The following UBXN6 variants were observed in gnomAD, a reference collection of about 807,000 sequenced individuals.
UBXN6 encodes UBX domain protein 6.
UBXN6 carries 44 observed loss-of-function variants against 51.4 expected under a neutral mutation model. The ratio of observed to expected loss-of-function variants is 0.86; its 90% CI spans 0.67 to 1.10. UBXN6 has a LOEUF of 1.10. Ranked by LOEUF, UBXN6 falls within the 50% of genes least tolerant of loss-of-function variation. The pLI is 0.00. For missense variants in UBXN6, 672 were observed against 596.1 expected, an observed-to-expected ratio of 1.13 and a Z score of -1.32; for synonymous variants, 316 against 263.2, an observed-to-expected ratio of 1.20 and a Z score of -1.94.
chr19:4,449,577 G>C (rs2145178837), intron 4 of UBXN6: 1 of 152,466 alleles, frequency 6.6e-6, no homozygotes, highest in African/African-American at 2.4e-5. Context: ...AGAGCGCCCG[G>C]GACAGCACAC....
chr19:4,457,613 A>AC lies in UBXN6; in HGVS notation c.83+1dup. 1.3e-6 allele frequency: 2 copies of AC among 1,586,802 alleles called. No homozygotes were observed. Among genetic ancestry groups the AC allele is most frequent in the Non-Finnish European group, 1.7e-6 (2 of 1,168,974 alleles). On this transcript the variant is annotated splice_donor_variant, in intron 1 of 10. Coordinates refer to ENST00000301281, the MANE Select transcript of UBXN6 (RefSeq NM_025241.3). LOFTEE classifies it high-confidence loss of function. ...CCTCAAGCCCCTGCGTTCCTCACGC[A>AC]CCCCACGGACTCTTTGAGCTTCTGA...
chr19:4,447,074 A>C, intron 6 of UBXN6, 154 bp from the exon 7 acceptor site: 2 of 683,778 alleles, frequency 2.9e-6, no homozygotes, highest in Non-Finnish European at 5.0e-6. Context: ...GCTGGATGCA[A>C]ACCTGCTTTT....
Position 4,457,737 on chromosome 19 carries a change from G to A in UBXN6, c.-40C>T, listed in dbSNP as rs777946490. ...CGGCGGCGGGGGGCCGCGGGGGCGG[G>A]GGGGCACGGGGCCCAGTCGGGGACG... On this transcript the variant is annotated 5_prime_UTR_variant, in exon 1 of 11. Coordinates refer to ENST00000301281, the MANE Select transcript of UBXN6 (RefSeq NM_025241.3). 1.9e-4 allele frequency: 272 copies of A among 1,401,684 alleles called. 7 individuals are homozygous for A. In the Middle Eastern group the frequency reaches 2.8e-3, roughly 15 times the overall value. 86.8% of individuals were successfully genotyped at this position (1,401,684 alleles called of 1,614,324 possible). A position where few individuals can be genotyped will look rare whatever the true frequency, so the allele number is the denominator to read the frequency against.
intron 1 of UBXN6, chr19:4,455,093 A>G (rs1291218032): frequency 1.0e-5 from 5 of 497,008 alleles, no homozygotes; most frequent in African/African-American, 2.1e-5. Context: ...CCCTACACCA[A>G]GGAGAGTTCC....
In UBXN6 at chr19:4,453,919, C is replaced by T; in HGVS notation, c.247+11G>A. 1.2e-6 allele frequency: 2 copies of T among 1,608,062 alleles called. No homozygotes were observed. The highest frequency in any genetic ancestry group is 1.7e-6 in the Non-Finnish European group (2 of 1,179,644). On this transcript the variant is annotated intron_variant, in intron 2 of 10. Coordinates refer to ENST00000301281, the MANE Select transcript of UBXN6 (RefSeq NM_025241.3). ...AGCCCCAACCTGGGCCCGAGGAGGG[C>T]CATATCTCACCCTGGTTTCGGATGG...
chr19:4,449,166 G>C (rs555050142), intron 4 of UBXN6: 1 of 153,232 alleles, frequency 6.5e-6, no homozygotes, highest in East Asian at 1.9e-4. Context: ...ATCCACGCTC[G>C]GCACAGCCAT....
intron 1 of UBXN6, among the ~76,000 whole-genome samples, chr19:4,456,258 C>A (rs1445286881): frequency 6.7e-6 from 1 of 150,288 alleles, no homozygotes; most frequent in Non-Finnish European, 1.5e-5. Flanking sequence ...AGGGCTCCCC[C>A]GATTTGCCCC....
At position 4,445,298 on chromosome 19, in the gene UBXN6, G is replaced by T; in HGVS notation, c.*200C>A. ...CCCAGGCCTCTCCCTCGGGGGCTTGGGCGCATCCCCACAGCCCCCAAGGGA... is the reference window on the plus strand; with the variant it reads ...CCCAGGCCTCTCCCTCGGGGGCTTGTGCGCATCCCCACAGCCCCCAAGGGA... On this transcript the variant is annotated 3_prime_UTR_variant, in exon 11 of 11. Transcript: ENST00000301281. 1 of 849,110 alleles carries T rather than the reference G, an allele frequency of 1.2e-6. No homozygotes were observed. The highest frequency in any genetic ancestry group is 1.8e-6 in the Non-Finnish European group (1 of 550,940). 52.6% of individuals were successfully genotyped at this position (849,110 alleles called of 1,614,324 possible).
At chr19:4,452,222 G>T in intron 4 of UBXN6, 142 bp downstream of exon 4, 1 of 1,170,892 alleles carries the variant, frequency 8.5e-7, no homozygotes, top group Non-Finnish European at 1.2e-6. Context: ...CCTGGATTTG[G>T]GGTATCAGAG....
chr19:4,453,517 T>C lies in UBXN6; in HGVS notation c.253A>G (p.Lys85Glu), dbSNP rs1181156678. 1 of 1,613,696 alleles carries C rather than the reference T, an allele frequency of 6.2e-7. No homozygotes were observed. The change falls in exon 3 of 11, where the codon AAG becomes GAG. Residue 85 changes from lysine (K) to glutamate (E), a missense_variant. Transcript: ENST00000301281. ...SQDTIRNQVR[K>E]ELQAEATVSG... ...ACGGTGGCTTCGGCTTGAAGTTCCT[T>C]TCTCACTGGAAGGCAGCCCAAGAAA...
At chr19:4,453,251 TCTC>T (rs1347137662) in intron 3 of UBXN6, among the ~76,000 whole-genome samples, 2 of 152,074 alleles carry the variant, frequency 1.3e-5, no homozygotes, top group African/African-American at 4.8e-5. Context: ...GAGGCCCACT[TCTC>T]CAGGCCTGAG....
intron 1 of UBXN6, 70 bp from the exon 2 acceptor site, chr19:4,454,163 CAGA>C: frequency 6.9e-7 from 1 of 1,442,638 alleles, no homozygotes; most frequent in South Asian, 1.4e-5. Flanking sequence ...TGCAGTCACA[CAGA>C]GGAGCTTCTG....
In UBXN6 at chr19:4,457,601, C is replaced by A. The variant is rs753406687; in HGVS notation, c.83+14G>T. 2 of 1,589,538 alleles carry A rather than the reference C, an allele frequency of 1.3e-6. No homozygotes were observed. The highest frequency in any genetic ancestry group is 2.4e-5 in the East Asian group (1 of 42,358). ...CGCCCCGCAGGGCCTCAAGCCCCTG[C>A]GTTCCTCACGCACCCCACGGACTCT... On this transcript the variant is annotated intron_variant, in intron 1 of 10. Transcript: ENST00000301281.
chr19:4,456,760 GGCAGAGAAGCCTC>G (rs1974744994), intron 1 of UBXN6, among the ~76,000 whole-genome samples: 1 of 152,114 alleles, frequency 6.6e-6, no homozygotes, highest in African/African-American at 2.4e-5. Flanking sequence ...ACAGTGACGT[GGCAGAGAAGCCTC>G]GCAGAGAAGC....
At chr19:4,448,095 G>C (rs1404879436) in intron 5 of UBXN6, 1 of 586,974 alleles carries the variant, frequency 1.7e-6, no homozygotes, top group African/African-American at 1.9e-5. Context: ...GGAAACCCCT[G>C]ATTCCTTCAA....
chr19:4,448,444 T>C, intron 4 of UBXN6, 29 bp from the exon 5 acceptor site: 1 of 1,573,556 alleles, frequency 6.4e-7, no homozygotes, highest in Non-Finnish European at 8.6e-7. Context: ...GGAAAGCCAC[T>C]CACTGAGAGC....
Position 4,453,519 on chromosome 19 carries a change from C to G in UBXN6, c.251G>C (p.Arg84Thr), listed in dbSNP as rs749171894. 2 of 1,613,670 alleles carry G rather than the reference C, an allele frequency of 1.2e-6. No homozygotes were observed. The highest frequency in any genetic ancestry group is 1.7e-6 in the Non-Finnish European group (2 of 1,179,886). Residue 84 changes from arginine to threonine, a missense_variant, in exon 3 of 11, where the codon AGA (arginine) becomes ACA (threonine). By Grantham distance (71) the Arg-to-Thr change is moderately conservative. Transcript: ENST00000301281. ...GGTGGCTTCGGCTTGAAGTTCCTTT[C>G]TCACTGGAAGGCAGCCCAAGAAAGA... ...TSQDTIRNQV[R>T]KELQAEATVS...
chr19:4,450,018 A>T (rs1336909800), intron 4 of UBXN6: 3 of 151,952 alleles, frequency 2.0e-5, no homozygotes, highest in African/African-American at 7.3e-5. Context: ...TCACGAGATT[A>T]GGAGAGCGAG....
chr19:4,454,998 C>T (rs1974720118), intron 1 of UBXN6: 1 of 161,344 alleles, frequency 6.2e-6, no homozygotes, highest in Admixed American at 6.5e-5. Flanking sequence ...GACAGCAGAA[C>T]CAGCCTCGCC....
Sources: allele counts gnomAD v4.1 joint callset (sites outside exome capture counted in the v4.1 genomes callset), GRCh38; gene constraint gnomAD v4.1.1; transcripts MANE v1.5; gene names NCBI Gene and HGNC (gene_info 2026-07-23, HGNC 2026-07-21).